SUZ12: variants seen among roughly 807,000 people sequenced by gnomAD.
SUZ12 encodes the protein SUZ12 polycomb repressive complex 2 subunit, also known as polycomb protein SUZ12.
Under a neutral mutation model 87.3 loss-of-function variants are expected in SUZ12, and 17 were observed. The ratio of observed to expected loss-of-function variants is 0.19; its 90% CI spans 0.13 to 0.29. The LOEUF is 0.29. SUZ12 is among the 10% of genes least tolerant of loss of function. The pLI is 1.00. For missense variants in SUZ12, 526 were observed against 912.2 expected (o/e 0.58, Z 5.45); for synonymous variants, 253 against 312.4 (o/e 0.81, Z 2.01).
In SUZ12 at chr17:32,000,470, TA is replaced by T. The variant is rs971605908; in HGVS notation, c.*1476del. ...GTTCTTAGTCATTGATTTTTGTGTT[TA>T]AAAAAAAATAGGAAAGAGGGAAACT... On this transcript the variant is annotated 3_prime_UTR_variant, in exon 16 of 16. Transcript: ENST00000322652. The T allele has an allele frequency of 2.6e-4, 58 of 227,096 alleles. No individual in the cohort carries two copies. The highest frequency in any genetic ancestry group is 3.6e-4 in the Non-Finnish European group (41 of 114,720). 14.1% of individuals were successfully genotyped at this position (227,096 alleles called of 1,614,324 possible).
intron 4 of SUZ12, among the ~76,000 whole-genome samples, chr17:31,957,239 G>GT (rs533701366): frequency 9.8e-4 from 141 of 143,578 alleles, no homozygotes; most frequent in East Asian, 2.0e-3. Context: ...TACATTTTTT[G>GT]TTTTTTTTTT....
Position 31,993,847 on chromosome 17 carries a change from T to C in SUZ12, c.1294-18T>C. On this transcript the variant is annotated intron_variant, in intron 11 of 15. Coordinates refer to ENST00000322652, the MANE Select transcript of SUZ12 (RefSeq NM_015355.4). The stretch of plus-strand genomic sequence containing the variant: ...TGCGTAAATTGGAGATTTGCTTTTT[T>C]TTTTTAATTGTTTTTAGTTTCTCTA... 1 of 1,581,402 alleles carries C rather than the reference T, an allele frequency of 6.3e-7. No individual in the cohort carries two copies. The highest frequency in any genetic ancestry group is 8.5e-7 in the Non-Finnish European group (1 of 1,170,846).
At chr17:31,986,453 G>A (rs545640563) in intron 9 of SUZ12, among the ~76,000 whole-genome samples, 1 of 152,214 alleles carries the variant, frequency 6.6e-6, no homozygotes, top group South Asian at 2.1e-4. Flanking sequence ...ACTTGAACCT[G>A]TATCAAGTAT....
Sources: gnomAD v4.1 joint callset for allele counts (sites outside exome capture counted in the v4.1 genomes callset) on GRCh38, gnomAD v4.1.1 for gene constraint, MANE v1.5 for transcripts, NCBI Gene and HGNC (gene_info 2026-07-23, HGNC 2026-07-21) for gene names.